The following GPD2 variants were observed in gnomAD, a reference collection of about 807,000 sequenced individuals.
The protein encoded by GPD2 is glycerol-3-phosphate dehydrogenase, mitochondrial.
In GPD2, 54 loss-of-function variants were observed where a neutral mutation model predicts 82.4. The ratio of observed to expected loss-of-function variants is 0.66; its 90% CI spans 0.53 to 0.82. GPD2 has a LOEUF of 0.82. Among genes scored for constraint, GPD2 ranks in the 40% least tolerant of loss-of-function variants. The pLI is 0.00. For missense variants in GPD2, 748 were observed against 896.2 expected, an observed-to-expected ratio of 0.83 and a Z score of 2.11; for synonymous variants, 288 against 306.1, an observed-to-expected ratio of 0.94 and a Z score of 0.62.
In GPD2 at chr2:156,464,637, G is replaced by A. The variant is rs902637669; in HGVS notation, c.-8-11461G>A. On this transcript the variant is annotated intron_variant, in intron 1 of 16. Transcript: ENST00000438166. ...TATATGTGTAGTGATGTTTATAATA[G>A]AGCTGTATTCAAATTGAGAACTTTC... Among the ~76,000 whole-genome samples, 14 of 152,102 alleles carry A rather than the reference G, an allele frequency of 9.2e-5. No homozygotes were observed. In the East Asian group the frequency reaches 1.9e-3, roughly 21 times the overall value.
intron 5 of GPD2, 102 bp from the exon 6 acceptor site, chr2:156,513,231 A>G (rs1685066399): frequency 1.1e-6 from 1 of 881,366 alleles, no homozygotes; most frequent in African/African-American, 1.6e-5. Context: ...ACTTCTAGGT[A>G]TGCTTTGTTT....
chr2:156,415,156 CTT>C, the GPD2 span, among the ~76,000 whole-genome samples: 4 of 114,598 alleles, frequency 3.5e-5, no homozygotes, highest in Non-Finnish European at 5.3e-5. Context: ...TTGTATCATT[CTT>C]TTTTTTTTTT....
In GPD2 at chr2:156,571,091, A is replaced by G. The variant is rs781141514; in HGVS notation, c.1609-43A>G. The G allele has an allele frequency of 4.0e-6, 5 of 1,258,620 alleles. No homozygotes were observed. In the Admixed American group the frequency reaches 8.4e-5, roughly 21 times the overall value. 78.0% of individuals were successfully genotyped at this position (1,258,620 alleles called of 1,614,324 possible). On this transcript the variant is annotated intron_variant, in intron 12 of 16. Coordinates refer to ENST00000438166, the MANE Select transcript of GPD2 (RefSeq NM_000408.5). The stretch of plus-strand genomic sequence containing the variant: ...GTGAAGCTTTATTTCTCATTTTCTA[A>G]AGAAGAGTCTCAACTAATAATTTTT...
chr2:156,549,155 T>C lies in GPD2; in HGVS notation c.662-453T>C, dbSNP rs577645454. ...CTATGGAAGATAAAGCTCTTGATTT[T>C]GAATATTAGATAGAGCACATACACA... On this transcript the variant is annotated intron_variant, in intron 6 of 16. Coordinates refer to ENST00000438166, the MANE Select transcript of GPD2 (RefSeq NM_000408.5). Among the ~76,000 whole-genome samples the C allele has an allele frequency of 3.3e-5, 5 of 152,328 alleles. No individual in the cohort carries two copies. In the South Asian group the frequency reaches 1.0e-3, roughly 32 times the overall value.
chr2:156,453,613 G>C (rs755695564), intron 1 of GPD2, among the ~76,000 whole-genome samples: 1 of 152,106 alleles, frequency 6.6e-6, no homozygotes, highest in Non-Finnish European at 1.5e-5. Context: ...AATGATGGCC[G>C]GGCCTGTAAT....
chr2:156,452,614 A>T (rs1269746572), intron 1 of GPD2, among the ~76,000 whole-genome samples: 1 of 152,208 alleles, frequency 6.6e-6, no homozygotes, highest in Admixed American at 6.5e-5. Context: ...TATGAAGGAA[A>T]GCAGAGACGT....
intron 1 of GPD2, among the ~76,000 whole-genome samples, chr2:156,439,849 A>T (rs199537766): frequency 2.7e-5 from 4 of 147,654 alleles, no homozygotes; most frequent in African/African-American, 9.9e-5. Flanking sequence ...TCTGTCTCAA[A>T]AAATAAATAA....
chr2:156,510,027 C>T (rs1250963831), intron 3 of GPD2, among the ~76,000 whole-genome samples: 2 of 152,090 alleles, frequency 1.3e-5, no homozygotes, highest in African/African-American at 4.8e-5. Flanking sequence ...AAGTGATCCA[C>T]CCGCCTCCGC....
At chr2:156,442,159 A>G (rs1682197712) in intron 1 of GPD2, among the ~76,000 whole-genome samples, 1 of 152,172 alleles carries the variant, frequency 6.6e-6, no homozygotes, top group Non-Finnish European at 1.5e-5. Flanking sequence ...AGTGGGAAAA[A>G]CAAACCTGAC....
the GPD2 span, among the ~76,000 whole-genome samples, chr2:156,407,664 A>C: frequency 6.6e-6 from 1 of 152,206 alleles, no homozygotes; most frequent in Non-Finnish European, 1.5e-5. Flanking sequence ...GTTCTTTGGC[A>C]GAGGACATTT....
chr2:156,581,967 A>G (rs1688042003), intron 16 of GPD2, among the ~76,000 whole-genome samples: 1 of 152,030 alleles, frequency 6.6e-6, no homozygotes, highest in South Asian at 2.1e-4. Flanking sequence ...GTGTGTATAT[A>G]TATAATGTGT....
chr2:156,518,439 G>A (rs1251201558), intron 6 of GPD2, among the ~76,000 whole-genome samples: 1 of 152,220 alleles, frequency 6.6e-6, no homozygotes, highest in Non-Finnish European at 1.5e-5. Flanking sequence ...TACAGGTACA[G>A]CAGGAGATGC....
At chr2:156,469,354 G>A (rs183429226) in intron 1 of GPD2, among the ~76,000 whole-genome samples, 9 of 152,238 alleles carry the variant, frequency 5.9e-5, no homozygotes, top group East Asian at 1.9e-4. Context: ...TAGTAGAGAC[G>A]GAGTTTCACC....
At chr2:156,446,516 C>T (rs1682375434) in intron 1 of GPD2, among the ~76,000 whole-genome samples, 1 of 151,846 alleles carries the variant, frequency 6.6e-6, no homozygotes, top group Non-Finnish European at 1.5e-5. Context: ...GCTGCAAGTC[C>T]AGGAAGAAGA....
chr2:156,538,444 C>T (rs1277852823), intron 6 of GPD2, among the ~76,000 whole-genome samples: 1 of 149,746 alleles, frequency 6.7e-6, no homozygotes, highest in Non-Finnish European at 1.5e-5. Flanking sequence ...AGAAGTGAAA[C>T]ATTCATGTAA....
At chr2:156,488,697 A>ACGTT (rs1002818269) in intron 2 of GPD2, among the ~76,000 whole-genome samples, 1 of 152,100 alleles carries the variant, frequency 6.6e-6, no homozygotes, top group African/African-American at 2.4e-5. Flanking sequence ...TTCAGGGTGA[A>ACGTT]CGTTCTCTGG....
chr2:156,485,979 G>A, intron 2 of GPD2, among the ~76,000 whole-genome samples: 1 of 152,148 alleles, frequency 6.6e-6, no homozygotes, highest in East Asian at 1.9e-4. Flanking sequence ...TGGATTCCTG[G>A]AAGAACTGTT....
chr2:156,400,801 C>T, the GPD2 span, among the ~76,000 whole-genome samples: 1 of 152,184 alleles, frequency 6.6e-6, no homozygotes, highest in Non-Finnish European at 1.5e-5. Context: ...GCGCGCGCTT[C>T]GCATGTGTGA....
At chr2:156,484,405 G>A (rs1189681703) in intron 2 of GPD2, among the ~76,000 whole-genome samples, 2 of 151,954 alleles carry the variant, frequency 1.3e-5, no homozygotes, top group Non-Finnish European at 2.9e-5. Flanking sequence ...CCAAAGAGCC[G>A]GGATTACAGG....
Sources: allele counts gnomAD v4.1 joint callset (sites outside exome capture counted in the v4.1 genomes callset), GRCh38; gene constraint gnomAD v4.1.1; transcripts MANE v1.5; gene names NCBI Gene and HGNC (gene_info 2026-07-23, HGNC 2026-07-21).